HSPA12B: variants seen among roughly 807,000 people sequenced by gnomAD.
HSPA12B encodes the protein heat shock 70 kDa protein 12B.
A neutral mutation model predicts 69.3 loss-of-function variants in HSPA12B; 54 were observed. The observed-to-expected ratio is 0.78, with a 90% confidence interval of 0.63 to 0.98. HSPA12B has a LOEUF of 0.98. Among genes scored for constraint, HSPA12B ranks in the 50% least tolerant of loss-of-function variants. The pLI, the probability that HSPA12B is intolerant of heterozygous loss-of-function variation, is 0.00. For missense variants in HSPA12B, 929 were observed against 999.8 expected (o/e 0.93, Z 0.96); for synonymous variants, 441 against 436.5 (o/e 1.01, Z -0.13).
At position 3,750,169 on chromosome 20, in the gene HSPA12B, A is replaced by C. The variant is rs771119929; in HGVS notation, c.1243A>C (p.Ile415Leu). The change falls in exon 11 of 13, where the codon ATT (isoleucine) becomes CTT (leucine). Residue 415 changes from isoleucine (I) to leucine (L), a missense_variant. Ile to Leu is a conservative substitution (Grantham distance 5). Transcript: ENST00000254963. ...ALNISLPFSF[I>L]DFYRKQRGHN... Reference sequence around the variant, plus strand: ...CAACATCTCGCTGCCCTTCTCCTTCATTGACTTCTACCGCAAGCAGCGGGG... The same window carrying C: ...CAACATCTCGCTGCCCTTCTCCTTCCTTGACTTCTACCGCAAGCAGCGGGG... 2 of 1,610,952 alleles carry C rather than the reference A, an allele frequency of 1.2e-6. No homozygotes were observed. Among genetic ancestry groups the C allele is most frequent in the Non-Finnish European group, 8.5e-7 (1 of 1,178,804 alleles).
In HSPA12B at chr20:3,750,891, GATC is replaced by G; in HGVS notation, c.1393_1395del (p.Ile465del). 6.2e-7 allele frequency: 1 copy of G among 1,613,992 alleles called. No homozygotes were observed. The highest frequency in any genetic ancestry group is 8.5e-7 in the Non-Finnish European group (1 of 1,180,018). On this transcript the variant is annotated inframe_deletion, in exon 12 of 13. Coordinates refer to ENST00000254963, the MANE Select transcript of HSPA12B (RefSeq NM_052970.5). ...AGCTCTTTCAGCCCACCGTCAGCGG[GATC>G]ATCCAGCACATAGGTGAGCACCTGA...
chr20:3,752,226 G>C lies in HSPA12B; in HGVS notation c.*60G>C. Reference sequence around the variant, plus strand: ...GGCCCCGCCCTCTTTCGGTTCAGGGGCCTGCGGAGCGGGTTGGGGCGGGGG... The same window carrying C: ...GGCCCCGCCCTCTTTCGGTTCAGGGCCCTGCGGAGCGGGTTGGGGCGGGGG... On this transcript the variant is annotated 3_prime_UTR_variant, in exon 13 of 13. Coordinates refer to ENST00000254963, the MANE Select transcript of HSPA12B (RefSeq NM_052970.5). 1.4e-6 allele frequency: 2 copies of C among 1,395,960 alleles called. No individual in the cohort carries two copies. Among genetic ancestry groups the C allele is most frequent in the Non-Finnish European group, 1.9e-6 (2 of 1,071,824 alleles). 86.5% of individuals were successfully genotyped at this position (1,395,960 alleles called of 1,614,324 possible). A position where few individuals can be genotyped will look rare whatever the true frequency, so the allele number is the denominator to read the frequency against.
rs1237292118 is a variant in HSPA12B at position 3,745,815 on chromosome 20, G to T, written c.559-100G>T. 2.6e-6 allele frequency: 3 copies of T among 1,145,014 alleles called. No homozygotes were observed. The African/African-American group carries it at 4.6e-5, about 17-fold the overall frequency. The allele number at this position is 1,145,014 out of a possible 1,614,324, so 70.9% of individuals were successfully genotyped here. A position where few individuals can be genotyped will look rare whatever the true frequency, so the allele number is the denominator to read the frequency against. On this transcript the variant is annotated intron_variant, in intron 6 of 12. Transcript: ENST00000254963. The surrounding 1 kb of genome is among the most constrained non-coding windows in gnomAD (Gnocchi z 5.6). ...CCGATTCTTCCAGCTCTGCTGGGAAGTCCTTCCTGTGATTTGATTAGTACC... is the reference window on the plus strand; with the variant it reads ...CCGATTCTTCCAGCTCTGCTGGGAATTCCTTCCTGTGATTTGATTAGTACC...
intron 2 of HSPA12B, 66 bp downstream of exon 2, chr20:3,738,783 C>A (rs6116010): frequency 3.3e-5 from 51 of 1,556,180 alleles, no homozygotes; most frequent in Non-Finnish European, 3.8e-5. Context: ...TGAGACCCAC[C>A]TACAGGTTGT....
intron 7 of HSPA12B, among the ~76,000 whole-genome samples, chr20:3,747,196 G>C (rs2088322519): frequency 6.6e-6 from 1 of 152,118 alleles, no homozygotes; most frequent in Admixed American, 6.5e-5. Context: ...TAGAGCCTTG[G>C]ATACAGACCC....
chr20:3,746,322 TGAGACAGTCTCGC>T (rs2088303102), intron 7 of HSPA12B, among the ~76,000 whole-genome samples: 2 of 146,944 alleles, frequency 1.4e-5, no homozygotes. Flanking sequence ...TTTTTTTTTT[TGAGACAGTCTCGC>T]TCTGTCGCCC....
Position 3,745,824 on chromosome 20 carries a change from G to C in HSPA12B, c.559-91G>C. 2 of 1,205,054 alleles carry C rather than the reference G, an allele frequency of 1.7e-6. No individual in the cohort carries two copies. The highest frequency in any genetic ancestry group is 2.5e-6 in the Non-Finnish European group (2 of 808,214). The allele number at this position is 1,205,054 out of a possible 1,614,324, so 74.6% of individuals were successfully genotyped here. ...CCAGCTCTGCTGGGAAGTCCTTCCT[G>C]TGATTTGATTAGTACCTCCAGTTCC... On this transcript the variant is annotated intron_variant, in intron 6 of 12. Transcript: ENST00000254963. The surrounding 1 kb of genome is among the most constrained non-coding windows in gnomAD (Gnocchi z 5.6).
intron 1 of HSPA12B, among the ~76,000 whole-genome samples, chr20:3,736,793 C>T (rs111336770): frequency 1.3e-5 from 2 of 152,128 alleles, no homozygotes; most frequent in Admixed American, 6.5e-5. Flanking sequence ...GAGGCTGAGA[C>T]GGGCGGATCA....
chr20:3,735,528 C>T (rs1344576031), intron 1 of HSPA12B, among the ~76,000 whole-genome samples: 1 of 150,796 alleles, frequency 6.6e-6, no homozygotes, highest in African/African-American at 2.4e-5. Flanking sequence ...TGCAATGGCG[C>T]GATCTTGGCT....
In HSPA12B at chr20:3,749,117, G is replaced by T; in HGVS notation, c.851-115G>T. 1 of 847,010 alleles carries T rather than the reference G, an allele frequency of 1.2e-6. No homozygotes were observed. Among genetic ancestry groups the T allele is most frequent in the Non-Finnish European group, 1.9e-6 (1 of 536,252 alleles). 52.5% of individuals were successfully genotyped at this position (847,010 alleles called of 1,614,324 possible). On this transcript the variant is annotated intron_variant, in intron 8 of 12. Transcript: ENST00000254963. This position sits in a 1 kb window ranked among gnomAD's most constrained non-coding sequence, Gnocchi z 5.5. ...CAGTCAGGAGCAGGTTGGAGTTTCA[G>T]GAGCACTGGCTGCTCCCAGTGCCCA...
chr20:3,749,663 G>T lies in HSPA12B; in HGVS notation c.938-87G>T. ...CAGACAGGCCTTGGGACCCGGGGCA[G>T]GGCTGGAGGCTGGGCGAGGCTGGAG... On this transcript the variant is annotated intron_variant, in intron 9 of 12. Transcript: ENST00000254963. This position sits in a 1 kb window ranked among gnomAD's most constrained non-coding sequence, Gnocchi z 5.5. 9.9e-7 allele frequency: 1 copy of T among 1,009,906 alleles called. No individual in the cohort carries two copies. The highest frequency in any genetic ancestry group is 1.6e-5 in the African/African-American group (1 of 61,722). 62.6% of individuals were successfully genotyped at this position (1,009,906 alleles called of 1,614,324 possible).
intron 3 of HSPA12B, among the ~76,000 whole-genome samples, chr20:3,741,448 C>T (rs968903427): frequency 6.6e-6 from 1 of 152,068 alleles, no homozygotes; most frequent in Non-Finnish European, 1.5e-5. Context: ...GCCTGAGCAA[C>T]ACAGCGAAAC....
At chr20:3,738,286 C>T (rs941785946) in intron 1 of HSPA12B, among the ~76,000 whole-genome samples, 2 of 152,202 alleles carry the variant, frequency 1.3e-5, no homozygotes, top group African/African-American at 4.8e-5. Context: ...AGGGCAGGGA[C>T]AGTGTCTCTC....
chr20:3,742,203 C>T, intron 3 of HSPA12B, 81 bp from the exon 4 acceptor site: 1 of 1,565,042 alleles, frequency 6.4e-7, no homozygotes, highest in Non-Finnish European at 8.7e-7. Context: ...GTGTCTTCCC[C>T]ATGCAGAGGA....
chr20:3,747,167 C>T (rs2088321900), intron 7 of HSPA12B, among the ~76,000 whole-genome samples: 1 of 152,176 alleles, frequency 6.6e-6, no homozygotes. Flanking sequence ...CCTCAAGACT[C>T]ATTGCTTGGT....
chr20:3,736,446 A>G (rs1022598906), intron 1 of HSPA12B, among the ~76,000 whole-genome samples: 5 of 152,176 alleles, frequency 3.3e-5, no homozygotes, highest in African/African-American at 7.2e-5. Context: ...TCTGTCCACA[A>G]TGGGGCTGGT....
At chr20:3,746,643 T>C (rs990903216) in intron 7 of HSPA12B, among the ~76,000 whole-genome samples, 3 of 152,118 alleles carry the variant, frequency 2.0e-5, no homozygotes, top group South Asian at 2.1e-4. Flanking sequence ...GAAGAAGGTT[T>C]CTCAGGAGAA....
Position 3,751,569 on chromosome 20 carries a change from C to T in HSPA12B, c.1464C>T (p.Gly488=). ...TGAAGCTGCTGTTCCTAGTGGGCGG[C>T]TTCGCCGAGTCAGCGGTGCTGCAGC... The part of the protein sequence containing the change: ...QGVKLLFLVG[G]FAESAVLQHA... Residue 488 remains glycine (G), a synonymous_variant, in exon 13 of 13, where the codon GGC becomes GGT. Coordinates refer to ENST00000254963, the MANE Select transcript of HSPA12B (RefSeq NM_052970.5). 6.7e-7 allele frequency: 1 copy of T among 1,496,928 alleles called. No individual in the cohort carries two copies. Among genetic ancestry groups the T allele is most frequent in the Non-Finnish European group, 8.9e-7 (1 of 1,125,566 alleles). 92.7% of individuals were successfully genotyped at this position (1,496,928 alleles called of 1,614,324 possible).
intron 3 of HSPA12B, among the ~76,000 whole-genome samples, chr20:3,741,829 C>A (rs1463720922): frequency 6.6e-6 from 1 of 152,208 alleles, no homozygotes; most frequent in South Asian, 2.1e-4. Flanking sequence ...CTCCTCTCTG[C>A]CACAGAATCA....
Sources: allele counts gnomAD v4.1 joint callset (sites outside exome capture counted in the v4.1 genomes callset), GRCh38; gene constraint gnomAD v4.1.1; non-coding constraint Gnocchi (gnomAD v3.1); transcripts MANE v1.5; gene names NCBI Gene and HGNC (gene_info 2026-07-23, HGNC 2026-07-21).